Variants in TSHZ1 observed in about 807,000 individuals in gnomAD.
TSHZ1 encodes teashirt zinc finger homeobox 1, also known as teashirt homolog 1.
A neutral mutation model predicts 67.1 loss-of-function variants in TSHZ1; 12 were observed. That is an observed-to-expected ratio of 0.18 (90% CI 0.11 to 0.29). The LOEUF is 0.29. Among genes scored for constraint, TSHZ1 ranks in the 10% least tolerant of loss-of-function variants. The pLI, the probability that TSHZ1 is intolerant of heterozygous loss-of-function variation, is 1.00. For missense variants in TSHZ1, 1,305 were observed against 1,413.9 expected (o/e 0.92, Z 1.23); for synonymous variants, 632 against 622.4 (o/e 1.02, Z -0.23).
intron 1 of TSHZ1, among the ~76,000 whole-genome samples, chr18:75,230,788 A>C (rs554203145): frequency 1.3e-5 from 2 of 152,154 alleles, no homozygotes; most frequent in Non-Finnish European, 2.9e-5. Context: ...CTATTACAAG[A>C]CAAATAAGAA....
intron 1 of TSHZ1, among the ~76,000 whole-genome samples, chr18:75,216,443 G>A (rs2022768644): frequency 1.3e-5 from 2 of 152,302 alleles, no homozygotes; most frequent in Admixed American, 6.5e-5. Flanking sequence ...AACTGGATCT[G>A]GGTAGGAAGT....
chr18:75,266,282 C>T (rs2023489726), intron 1 of TSHZ1, among the ~76,000 whole-genome samples: 1 of 152,200 alleles, frequency 6.6e-6, no homozygotes, highest in Admixed American at 6.5e-5. Flanking sequence ...ATAGATCAAA[C>T]AGTAGCTCTT....
chr18:75,230,019 C>G (rs2022977582), intron 1 of TSHZ1, among the ~76,000 whole-genome samples: 2 of 152,296 alleles, frequency 1.3e-5, no homozygotes, highest in South Asian at 2.1e-4. Context: ...GACATCCTCT[C>G]AATCCTATTA....
intron 1 of TSHZ1, among the ~76,000 whole-genome samples, chr18:75,214,265 T>G (rs1219884995): frequency 6.6e-6 from 1 of 152,214 alleles, no homozygotes; most frequent in Non-Finnish European, 1.5e-5. Context: ...CACTAATATT[T>G]ACATTGGCAT....
intron 1 of TSHZ1, among the ~76,000 whole-genome samples, chr18:75,213,681 T>A (rs962366172): frequency 6.6e-6 from 1 of 152,150 alleles, no homozygotes; most frequent in Non-Finnish European, 1.5e-5. Context: ...TGGTGCATGG[T>A]AATCCATCCT....
At chr18:75,220,916 T>G (rs2022837454) in intron 1 of TSHZ1, 1 of 152,256 alleles carries the variant, frequency 6.6e-6, no homozygotes, top group African/African-American at 2.4e-5. Context: ...TTGTAGATTT[T>G]TACCATTTTT....
chr18:75,256,802 C>A (rs893705512), intron 1 of TSHZ1, among the ~76,000 whole-genome samples: 2 of 152,150 alleles, frequency 1.3e-5, no homozygotes, highest in Non-Finnish European at 2.9e-5. Context: ...TATGTAGATA[C>A]CAAAACATCT....
intron 1 of TSHZ1, among the ~76,000 whole-genome samples, chr18:75,219,513 G>A (rs1165407163): frequency 1.3e-5 from 2 of 152,184 alleles, no homozygotes; most frequent in African/African-American, 2.4e-5. Flanking sequence ...ACATCACTTA[G>A]GTGGAAGTAA....
At chr18:75,237,196 C>T in intron 1 of TSHZ1, among the ~76,000 whole-genome samples, 1 of 152,188 alleles carries the variant, frequency 6.6e-6, no homozygotes, top group East Asian at 1.9e-4. Flanking sequence ...TGGTGTGAAT[C>T]TTTCTGTTGC....
rs1186582823 is a variant in TSHZ1 at position 75,211,772 on chromosome 18, A to G, written c.-105A>G. On this transcript the variant is annotated 5_prime_UTR_variant, in exon 1 of 2. Coordinates refer to ENST00000580243, the MANE Select transcript of TSHZ1 (RefSeq NM_001308210.2). ...GCCCGGAGCCCGCGGGGACGAGGCC[A>G]AAGTTGGGCGCGCCGCGGAGTTGCG... 1.4e-6 allele frequency: 1 copy of G among 732,768 alleles called. No individual in the cohort carries two copies. Among genetic ancestry groups the G allele is most frequent in the Admixed American group, 6.3e-5 (1 of 15,850 alleles). The allele number at this position is 732,768 out of a possible 1,614,324, so 45.4% of individuals were successfully genotyped here.
chr18:75,212,139 C>T (rs1392449512), intron 1 of TSHZ1, among the ~76,000 whole-genome samples: 3 of 152,084 alleles, frequency 2.0e-5, no homozygotes, highest in Non-Finnish European at 4.4e-5. Flanking sequence ...CGCGGTGCTT[C>T]TCTGCGCTGC....
chr18:75,227,643 C>T (rs1348503193), intron 1 of TSHZ1, among the ~76,000 whole-genome samples: 1 of 152,194 alleles, frequency 6.6e-6, no homozygotes, highest in Non-Finnish European at 1.5e-5. Flanking sequence ...TATTGTTTCT[C>T]TCATCCCCAC....
intron 1 of TSHZ1, among the ~76,000 whole-genome samples, chr18:75,222,282 T>G (rs947896459): frequency 1.3e-5 from 2 of 151,934 alleles, no homozygotes; most frequent in African/African-American, 4.8e-5. Context: ...TTAAAATCAG[T>G]AATGAGAATT....
rs994795280 is a variant in TSHZ1 at position 75,281,072 on chromosome 18, C to T, written c.41-4376C>T. Among the ~76,000 whole-genome samples, 10 of 152,202 alleles carry T rather than the reference C, an allele frequency of 6.6e-5. No individual in the cohort carries two copies. The highest frequency in any genetic ancestry group is 4.4e-5 in the Non-Finnish European group (3 of 68,032). ...GGGCAGCGGTGAGGGTCCAGACGCC[C>T]TGCCTGGGACACGCAGCTTCAGCAA... On this transcript the variant is annotated intron_variant, in intron 1 of 1. Coordinates refer to ENST00000580243, the MANE Select transcript of TSHZ1 (RefSeq NM_001308210.2). The surrounding 1 kb of genome is among the most constrained non-coding windows in gnomAD (Gnocchi z 5.3).
At chr18:75,214,102 G>A (rs541441487) in intron 1 of TSHZ1, among the ~76,000 whole-genome samples, 1 of 152,326 alleles carries the variant, frequency 6.6e-6, no homozygotes, top group South Asian at 2.1e-4. Flanking sequence ...TTCCAAACCT[G>A]TGGGATTCTT....
rs779363710 is a variant in TSHZ1, at chr18:75,285,832, C to G, written c.425C>G (p.Thr142Ser). ...CTGGATTTAAAGAAGTCGGGTTCCA[C>G]CACCAGCACCAACGATGCCAGCCAG... ...LALDLKKSGSTTSTNDASQKE... is the reference protein window; with the variant it reads ...LALDLKKSGSSTSTNDASQKE... Residue 142 changes from threonine (T) to serine (S), a missense_variant, in exon 2 of 2, where the codon ACC (threonine) becomes AGC (serine). Around this residue, in one of 3 missense-constraint regions of TSHZ1, gnomAD observed 358 missense variants for 375.6 expected, o/e 0.95. Coordinates refer to ENST00000580243, the MANE Select transcript of TSHZ1 (RefSeq NM_001308210.2). 1 of 1,613,922 alleles carries G rather than the reference C, an allele frequency of 6.2e-7. No homozygotes were observed. The highest frequency in any genetic ancestry group is 1.7e-5 in the Admixed American group (1 of 60,002).
intron 1 of TSHZ1, among the ~76,000 whole-genome samples, chr18:75,214,987 C>A (rs1301109875): frequency 6.6e-6 from 1 of 152,118 alleles, no homozygotes; most frequent in East Asian, 1.9e-4. Flanking sequence ...GTGCAGGTGA[C>A]AAATGGACTT....
chr18:75,246,113 C>T (rs542995999), intron 1 of TSHZ1, among the ~76,000 whole-genome samples: 2 of 152,328 alleles, frequency 1.3e-5, no homozygotes, highest in African/African-American at 4.8e-5. Context: ...CTGCGCTTCA[C>T]GTTTTGCTTC....
intron 1 of TSHZ1, among the ~76,000 whole-genome samples, chr18:75,216,156 T>G (rs989814051): frequency 6.6e-6 from 1 of 152,246 alleles, no homozygotes; most frequent in Admixed American, 6.5e-5. Context: ...CAGTTTTGAA[T>G]GAAGACCGAA....
Sources: gnomAD v4.1 joint callset for allele counts (sites outside exome capture counted in the v4.1 genomes callset) on GRCh38, gnomAD v4.1.1 for gene constraint, gnomAD v4.1.1 regional missense constraint, Gnocchi (gnomAD v3.1) non-coding constraint, MANE v1.5 for transcripts, NCBI Gene and HGNC (gene_info 2026-07-23, HGNC 2026-07-21) for gene names.